Variants in TMEM178B observed in about 807,000 individuals in gnomAD.
The protein encoded by TMEM178B is transmembrane protein 178B.
In TMEM178B, 5 loss-of-function variants were observed where a neutral mutation model predicts 31.0. The ratio of observed to expected loss-of-function variants is 0.16; its 90% CI spans 0.08 to 0.34. The LOEUF (loss-of-function observed/expected upper bound fraction) is 0.34, where lower values mean the gene tolerates loss of function less well. Among genes scored for constraint, TMEM178B ranks in the 10% least tolerant of loss-of-function variants. The pLI is 1.00. For missense variants in TMEM178B, 275 were observed against 400.3 expected (o/e 0.69, Z 2.67); for synonymous variants, 164 against 164.0 (o/e 1.00, Z 0.00).
chr7:141,241,613 A>AG (rs1371249714), intron 2 of TMEM178B, among the ~76,000 whole-genome samples: 5 of 146,444 alleles, frequency 3.4e-5, no homozygotes, highest in African/African-American at 1.2e-4. Flanking sequence ...AAAAAAAAAA[A>AG]GAATTTATCT....
intron 2 of TMEM178B, among the ~76,000 whole-genome samples, chr7:141,316,027 T>G (rs890048770): frequency 1.3e-5 from 2 of 152,148 alleles, no homozygotes; most frequent in African/African-American, 4.8e-5. Flanking sequence ...ACATGTCAGC[T>G]CATTTTCCTT....
chr7:141,470,777 A>G lies in TMEM178B; in HGVS notation c.876A>G (p.Thr292=), dbSNP rs907494958. ...CTAAATCCAGACCCGAGAATGGGAC[A>G]GTGTGCTAAAAAACAAACCCATACA... The part of the protein sequence containing the change: ...NYPKSRPENG[T]VC Residue 292 remains threonine, a synonymous_variant, in exon 4 of 4, where the codon ACA becomes ACG. Coordinates refer to ENST00000565468, the MANE Select transcript of TMEM178B (RefSeq NM_001195278.2). 2.7e-6 allele frequency: 4 copies of G among 1,496,802 alleles called. No homozygotes were observed. Among genetic ancestry groups the G allele is most frequent in the Non-Finnish European group, 3.5e-6 (4 of 1,128,526 alleles). 92.7% of individuals were successfully genotyped at this position (1,496,802 alleles called of 1,614,324 possible). A position where few individuals can be genotyped will look rare whatever the true frequency, so the allele number is the denominator to read the frequency against.
the TMEM178B span, among the ~76,000 whole-genome samples, chr7:141,508,198 C>T: frequency 1.7e-4 from 26 of 152,124 alleles, no homozygotes; most frequent in Non-Finnish European, 3.1e-4. Flanking sequence ...TTCTCAAGTT[C>T]AAAATTCCAC....
At chr7:141,339,744 C>T (rs1005327745) in intron 2 of TMEM178B, among the ~76,000 whole-genome samples, 2 of 152,080 alleles carry the variant, frequency 1.3e-5, no homozygotes, top group Non-Finnish European at 1.5e-5. Flanking sequence ...GTGGAGAGCA[C>T]CTGTCTAAGC....
Position 141,212,646 on chromosome 7 carries a change from C to T in TMEM178B, c.438C>T (p.Pro146=). Residue 146 remains proline (P), a synonymous_variant, in exon 2 of 4, where the codon CCC becomes CCT. Coordinates refer to ENST00000565468, the MANE Select transcript of TMEM178B (RefSeq NM_001195278.2). ...IKYHYSSATI[P]RNLTFNITKT... The stretch of plus-strand genomic sequence containing the variant: ...ACCACTACTCCTCAGCAACCATCCC[C>T]AGGAACCTCACTTTCAATATCACGA... 6.5e-7 allele frequency: 1 copy of T among 1,536,094 alleles called. No homozygotes were observed. The highest frequency in any genetic ancestry group is 8.7e-7 in the Non-Finnish European group (1 of 1,146,904).
intron 2 of TMEM178B, among the ~76,000 whole-genome samples, chr7:141,405,612 A>T (rs1174488300): frequency 1.1e-4 from 16 of 152,220 alleles, no homozygotes; most frequent in Admixed American, 1.0e-3. Context: ...TCCTCCCCAC[A>T]TCATACACAA....
chr7:141,110,832 G>A (rs189868719), intron 1 of TMEM178B, among the ~76,000 whole-genome samples: 3 of 152,286 alleles, frequency 2.0e-5, no homozygotes, highest in Admixed American at 1.3e-4. Context: ...TGATCTGATA[G>A]CATTGGTCTC....
At chr7:141,506,851 A>T in the TMEM178B span, among the ~76,000 whole-genome samples, 1 of 152,172 alleles carries the variant, frequency 6.6e-6, no homozygotes, top group African/African-American at 2.4e-5. Flanking sequence ...TCCTAGATAC[A>T]ATAGGGGTAC....
At chr7:141,398,137 G>A (rs146573693) in intron 2 of TMEM178B, among the ~76,000 whole-genome samples, 4 of 152,304 alleles carry the variant, frequency 2.6e-5, no homozygotes, top group African/African-American at 4.8e-5. Flanking sequence ...GGGGAATTCT[G>A]TAAAGAGGAT....
chr7:141,109,599 G>T (rs959522600), intron 1 of TMEM178B, among the ~76,000 whole-genome samples: 2 of 152,176 alleles, frequency 1.3e-5, no homozygotes, highest in Admixed American at 1.3e-4. Context: ...GCAAGGGGGG[G>T]ACTGTGTCTT....
chr7:141,388,063 G>A (rs1333712580), intron 2 of TMEM178B, among the ~76,000 whole-genome samples: 1 of 152,190 alleles, frequency 6.6e-6, no homozygotes, highest in African/African-American at 2.4e-5. Context: ...TGGGTGTGAG[G>A]TTGTGACCGC....
chr7:141,329,727 C>T (rs1396184913), intron 2 of TMEM178B, among the ~76,000 whole-genome samples: 2 of 152,120 alleles, frequency 1.3e-5, no homozygotes, highest in African/African-American at 2.4e-5. Flanking sequence ...CATCCCTTTA[C>T]TCAAGTTACA....
At chr7:141,445,130 A>G (rs1021770749) in intron 3 of TMEM178B, among the ~76,000 whole-genome samples, 6 of 152,198 alleles carry the variant, frequency 3.9e-5, no homozygotes, top group African/African-American at 1.4e-4. Context: ...AAAGAAGCTC[A>G]GGCTATTATG....
Position 141,472,017 on chromosome 7 carries a change from C to G in TMEM178B, c.*1231C>G, listed in dbSNP as rs1300086331. 1 of 152,142 alleles carries G rather than the reference C, an allele frequency of 6.6e-6. No individual in the cohort carries two copies. Among genetic ancestry groups the G allele is most frequent in the African/African-American group, 2.4e-5 (1 of 41,376 alleles). The allele number at this position is 152,142 out of a possible 1,614,324, so 9.4% of individuals were successfully genotyped here. On this transcript the variant is annotated 3_prime_UTR_variant, in exon 4 of 4. Transcript: ENST00000565468. ...TTTGGAAGTTCAAGACACAGCTGGG[C>G]ACATAAGCCATGAGAGAAGAGGGGG...
At chr7:141,118,803 A>G (rs1245041097) in intron 1 of TMEM178B, among the ~76,000 whole-genome samples, 1 of 152,226 alleles carries the variant, frequency 6.6e-6, no homozygotes, top group African/African-American at 2.4e-5. Context: ...GGTACTGAAG[A>G]AATCGTATGA....
intron 2 of TMEM178B, among the ~76,000 whole-genome samples, chr7:141,308,730 T>A (rs1798860053): frequency 6.6e-6 from 1 of 152,176 alleles, no homozygotes; most frequent in Non-Finnish European, 1.5e-5. Flanking sequence ...CGGCCCAACC[T>A]TCTTGTTTTA....
chr7:141,301,605 A>G (rs1798727337), intron 2 of TMEM178B, among the ~76,000 whole-genome samples: 1 of 152,180 alleles, frequency 6.6e-6, no homozygotes, highest in Non-Finnish European at 1.5e-5. Context: ...CTGGTTTTCC[A>G]ATCTCGAGCT....
At chr7:141,438,806 G>T (rs987701868) in intron 3 of TMEM178B, among the ~76,000 whole-genome samples, 1 of 147,384 alleles carries the variant, frequency 6.8e-6, no homozygotes, top group East Asian at 1.9e-4. Flanking sequence ...AACCTGGCAG[G>T]CAGAGGTTGC....
chr7:141,408,382 G>A (rs1439898811), intron 2 of TMEM178B, among the ~76,000 whole-genome samples: 1 of 152,120 alleles, frequency 6.6e-6, no homozygotes, highest in African/African-American at 2.4e-5. Flanking sequence ...AGAGTAGTAC[G>A]TCTCAATCCA....
Sources: gnomAD v4.1 joint callset for allele counts (sites outside exome capture counted in the v4.1 genomes callset) on GRCh38, gnomAD v4.1.1 for gene constraint, MANE v1.5 for transcripts, NCBI Gene and HGNC (gene_info 2026-07-23, HGNC 2026-07-21) for gene names.